TRAPPC9: variants seen among roughly 807,000 people sequenced by gnomAD.
TRAPPC9 encodes the protein IKK2 binding protein.
A neutral mutation model predicts 124.0 loss-of-function variants in TRAPPC9; 83 were observed. The ratio of observed to expected loss-of-function variants is 0.67; its 90% CI spans 0.56 to 0.80. The LOEUF is 0.80. TRAPPC9 is among the 30% of genes least tolerant of loss of function. The pLI, the probability that TRAPPC9 is intolerant of heterozygous loss-of-function variation, is 0.00. For synonymous variants in TRAPPC9, 638 were observed against 617.5 expected, an observed-to-expected ratio of 1.03 and a Z score of -0.49; for missense variants, 1,302 against 1,508.3, an observed-to-expected ratio of 0.86 and a Z score of 2.27.
At position 139,728,429 on chromosome 8, in the gene TRAPPC9, G is replaced by T. The variant is rs901832079; in HGVS notation, c.*2632C>A. Among the ~76,000 whole-genome samples, 2 of 152,220 alleles carry T rather than the reference G, an allele frequency of 1.3e-5. No homozygotes were observed. Among genetic ancestry groups the T allele is most frequent in the African/African-American group, 4.8e-5 (2 of 41,446 alleles). ...GGGCCTAGAGAAGCAGCAACTGCTGGACTGTATTGCCAGGTAGCCAGTAGC... is the reference window on the plus strand; with the variant it reads ...GGGCCTAGAGAAGCAGCAACTGCTGTACTGTATTGCCAGGTAGCCAGTAGC... On this transcript the variant is annotated 3_prime_UTR_variant, in exon 23 of 23. Coordinates refer to ENST00000438773, the MANE Select transcript of TRAPPC9 (RefSeq NM_001160372.4).
At chr8:139,734,956 T>G (rs889517775) in intron 21 of TRAPPC9, among the ~76,000 whole-genome samples, 1 of 152,204 alleles carries the variant, frequency 6.6e-6, no homozygotes. Flanking sequence ...ATCCTACACT[T>G]CTGGATGTGC....
At chr8:140,293,872 A>G (rs1232229213) in intron 11 of TRAPPC9, among the ~76,000 whole-genome samples, 1 of 152,092 alleles carries the variant, frequency 6.6e-6, no homozygotes, top group Non-Finnish European at 1.5e-5. Flanking sequence ...TAATAATAAT[A>G]AAATTTAAAA....
chr8:139,919,223 C>A (rs942544964), intron 19 of TRAPPC9, among the ~76,000 whole-genome samples: 4 of 152,208 alleles, frequency 2.6e-5, no homozygotes, highest in Non-Finnish European at 5.9e-5. Flanking sequence ...CACCTGTTTG[C>A]TTTGTGACCG....
chr8:139,786,381 G>A (rs1822252076), intron 21 of TRAPPC9, among the ~76,000 whole-genome samples: 1 of 152,076 alleles, frequency 6.6e-6, no homozygotes, highest in Non-Finnish European at 1.5e-5. Context: ...TCCGTTAGAG[G>A]GCCTAGGGTG....
intron 17 of TRAPPC9, among the ~76,000 whole-genome samples, chr8:140,057,599 A>G (rs918405969): frequency 6.6e-6 from 1 of 152,304 alleles, no homozygotes; most frequent in South Asian, 2.1e-4. Context: ...AAGGACAAAC[A>G]CTGCACGATT....
At chr8:140,019,650 T>C (rs1396681410) in intron 18 of TRAPPC9, among the ~76,000 whole-genome samples, 1 of 145,254 alleles carries the variant, frequency 6.9e-6, no homozygotes, top group East Asian at 2.1e-4. Context: ...CCTCATGGGT[T>C]CAAGCGATTC....
At chr8:139,997,683 G>A (rs1190511182) in intron 18 of TRAPPC9, among the ~76,000 whole-genome samples, 2 of 95,576 alleles carry the variant, frequency 2.1e-5, no homozygotes, top group African/African-American at 6.0e-5. Flanking sequence ...ACACAGGGGA[G>A]ACAATGCATC....
intron 17 of TRAPPC9, among the ~76,000 whole-genome samples, chr8:140,070,379 CCAT>C (rs1391229214): frequency 4.6e-5 from 7 of 152,196 alleles, no homozygotes; most frequent in African/African-American, 2.4e-5. Context: ...ATGTCAGTCT[CCAT>C]AAACTTTGTC....
chr8:140,026,445 C>T (rs1840155383), intron 17 of TRAPPC9, among the ~76,000 whole-genome samples: 1 of 152,158 alleles, frequency 6.6e-6, no homozygotes, highest in Non-Finnish European at 1.5e-5. Flanking sequence ...ATTTTACATT[C>T]CCACCAGCAG....
At chr8:140,206,427 A>G (rs192870256) in intron 17 of TRAPPC9, among the ~76,000 whole-genome samples, 4 of 152,226 alleles carry the variant, frequency 2.6e-5, no homozygotes, top group Non-Finnish European at 1.5e-5. Flanking sequence ...TTTCTTTATC[A>G]TAGGATATCT....
intron 21 of TRAPPC9, among the ~76,000 whole-genome samples, chr8:139,878,282 G>A (rs924291171): frequency 2.6e-5 from 4 of 152,188 alleles, no homozygotes; most frequent in Non-Finnish European, 5.9e-5. Context: ...AATACAGTAG[G>A]ATCATCCCTA....
rs573070486 is a variant in TRAPPC9 at position 140,116,748 on chromosome 8, G to A, written c.2557-92669C>T. Among the ~76,000 whole-genome samples the A allele has an allele frequency of 2.6e-4, 40 of 152,306 alleles. No individual in the cohort carries two copies. The South Asian group carries it at 7.5e-3, about 28-fold the overall frequency. The stretch of plus-strand genomic sequence containing the variant: ...AGCAGCGGACAAGCTAGAGAGAAGA[G>A]ATCTATGGTTTCTCAGTCCAAAGGT... On this transcript the variant is annotated intron_variant, in intron 17 of 22. Coordinates refer to ENST00000438773, the MANE Select transcript of TRAPPC9 (RefSeq NM_001160372.4).
At chr8:140,058,184 A>C (rs1842400021) in intron 17 of TRAPPC9, among the ~76,000 whole-genome samples, 1 of 150,996 alleles carries the variant, frequency 6.6e-6, no homozygotes, top group Non-Finnish European at 1.5e-5. Context: ...TGGAACATTA[A>C]TTTCCTTTTC....
intron 17 of TRAPPC9, among the ~76,000 whole-genome samples, chr8:140,213,086 T>C (rs1158352818): frequency 4.2e-5 from 1 of 23,794 alleles, no homozygotes; most frequent in East Asian, 7.9e-4. Flanking sequence ...AAAAAAAAAG[T>C]TTTTTTGTTT....
At chr8:140,024,133 T>G in intron 17 of TRAPPC9, 54 bp from the exon 18 acceptor site, 1 of 1,601,870 alleles carries the variant, frequency 6.2e-7, no homozygotes, top group Non-Finnish European at 8.5e-7. Flanking sequence ...ACTCTCTAGT[T>G]TGATCCACCA....
intron 20 of TRAPPC9, among the ~76,000 whole-genome samples, chr8:139,896,813 G>A (rs1487913171): frequency 1.3e-5 from 2 of 152,024 alleles, no homozygotes; most frequent in South Asian, 2.1e-4. Flanking sequence ...CCAGCCCAGA[G>A]GGAAGCCCAG....
rs377423836 is a variant in TRAPPC9 at position 139,735,038 on chromosome 8, T to C, written c.3056-2836A>G. ...TCCTGAGGCCCTGCTCACTGGGCTA[T>C]GTATAGTGCCCCTGAGTACTTCCAG... On this transcript the variant is annotated intron_variant, in intron 21 of 22. Transcript: ENST00000438773. Among the ~76,000 whole-genome samples, 9 of 152,326 alleles carry C rather than the reference T, an allele frequency of 5.9e-5. No individual in the cohort carries two copies. The East Asian group carries it at 1.7e-3, about 29-fold the overall frequency.
At chr8:139,746,965 C>A (rs1417156326) in intron 21 of TRAPPC9, among the ~76,000 whole-genome samples, 2 of 152,132 alleles carry the variant, frequency 1.3e-5, no homozygotes, top group Admixed American at 1.3e-4. Flanking sequence ...TGGACAAGCA[C>A]TTTAGACAAC....
At chr8:140,124,316 C>G (rs2061042615) in intron 17 of TRAPPC9, among the ~76,000 whole-genome samples, 1 of 152,152 alleles carries the variant, frequency 6.6e-6, no homozygotes, top group African/African-American at 2.4e-5. Context: ...TGGCTGTGGC[C>G]CCTTGCTGCA....
Sources: gnomAD v4.1 joint callset for allele counts (sites outside exome capture counted in the v4.1 genomes callset) on GRCh38, gnomAD v4.1.1 for gene constraint, MANE v1.5 for transcripts, NCBI Gene and HGNC (gene_info 2026-07-23, HGNC 2026-07-21) for gene names.